Variants in NRG3 observed in about 807,000 individuals in gnomAD.
NRG3 encodes the protein pro-neuregulin-3, membrane-bound isoform.
A neutral mutation model predicts 66.9 loss-of-function variants in NRG3; 31 were observed. That is an observed-to-expected ratio of 0.46 (90% CI 0.35 to 0.63). NRG3 has a LOEUF of 0.63. NRG3 is among the 20% of genes least tolerant of loss of function. NRG3 has a pLI of 0.00. For missense variants in NRG3, 910 were observed against 878.9 expected (o/e 1.04, Z -0.45); for synonymous variants, 393 against 359.4 (o/e 1.09, Z -1.06).
chr10:82,830,543 C>G (rs1395470177), intron 3 of NRG3, among the ~76,000 whole-genome samples: 1 of 152,124 alleles, frequency 6.6e-6, no homozygotes, highest in Non-Finnish European at 1.5e-5. Flanking sequence ...TTGATCACAA[C>G]CTAAGACTAT....
At chr10:82,499,932 C>T (rs781393635) in intron 2 of NRG3, among the ~76,000 whole-genome samples, 5 of 152,112 alleles carry the variant, frequency 3.3e-5, no homozygotes, top group Non-Finnish European at 7.4e-5. Context: ...GACTAGAAAA[C>T]ATCTTGTACA....
Position 82,985,713 on chromosome 10 carries a change from A to C in NRG3, c.*108A>C. On this transcript the variant is annotated 3_prime_UTR_variant, in exon 9 of 9. Transcript: ENST00000372141. ...AATTTAAGAGCATCTACTTAGAAGA[A>C]ACCAAATAGTCTATCGCCCTCATAT... The C allele has an allele frequency of 3.3e-6, 4 of 1,201,306 alleles. No individual in the cohort carries two copies. Among genetic ancestry groups the C allele is most frequent in the Non-Finnish European group, 3.5e-6 (3 of 862,164 alleles). The allele number at this position is 1,201,306 out of a possible 1,614,324, so 74.4% of individuals were successfully genotyped here.
chr10:82,714,647 A>G (rs934006372), intron 2 of NRG3, among the ~76,000 whole-genome samples: 1 of 152,248 alleles, frequency 6.6e-6, no homozygotes, highest in Admixed American at 6.5e-5. Flanking sequence ...ACAAGATAAG[A>G]AAATTGCAAA....
chr10:81,919,840 C>T (rs978774776), intron 1 of NRG3, among the ~76,000 whole-genome samples: 8 of 152,098 alleles, frequency 5.3e-5, no homozygotes, highest in Non-Finnish European at 8.8e-5. Context: ...TGAGCAGAAA[C>T]AGTGGCAATG....
chr10:82,001,160 G>T (rs1331429293), intron 1 of NRG3, among the ~76,000 whole-genome samples: 1 of 150,528 alleles, frequency 6.6e-6, no homozygotes, highest in Admixed American at 6.6e-5. Flanking sequence ...ATTGTTGTTC[G>T]GGCTCATACA....
intron 3 of NRG3, among the ~76,000 whole-genome samples, chr10:82,861,805 A>C (rs1445755319): frequency 2.6e-5 from 4 of 152,282 alleles, no homozygotes; most frequent in Non-Finnish European, 1.5e-5. Flanking sequence ...CCACTGTTTG[A>C]GATCCTCTGC....
intron 1 of NRG3, among the ~76,000 whole-genome samples, chr10:82,135,536 G>A (rs2069274150): frequency 6.6e-6 from 1 of 151,726 alleles, no homozygotes; most frequent in Non-Finnish European, 1.5e-5. Flanking sequence ...TTTTGCTTTT[G>A]TTTTCTCTGA....
At chr10:82,174,618 T>G (rs2072886029) in intron 1 of NRG3, among the ~76,000 whole-genome samples, 1 of 152,172 alleles carries the variant, frequency 6.6e-6, no homozygotes, top group Non-Finnish European at 1.5e-5. Flanking sequence ...CAGAGCTTAG[T>G]ACTGTACTTA....
At chr10:81,965,253 TTC>T (rs1419254856) in intron 1 of NRG3, among the ~76,000 whole-genome samples, 1 of 152,176 alleles carries the variant, frequency 6.6e-6, no homozygotes, top group African/African-American at 2.4e-5. Context: ...TGAGAAAAAT[TTC>T]TGTCTCTCTC....
chr10:82,575,447 G>T (rs2045972253), intron 2 of NRG3, among the ~76,000 whole-genome samples: 1 of 151,740 alleles, frequency 6.6e-6, no homozygotes, highest in Admixed American at 6.6e-5. Context: ...AGGCAGAATG[G>T]CAAACAATGT....
Position 82,764,836 on chromosome 10 carries a change from G to A in NRG3, c.1027+26186G>A, listed in dbSNP as rs923716811. Among the ~76,000 whole-genome samples, 3 of 152,260 alleles carry A rather than the reference G, an allele frequency of 2.0e-5. No individual in the cohort carries two copies. In the East Asian group the frequency reaches 5.8e-4, roughly 29 times the overall value. On this transcript the variant is annotated intron_variant, in intron 3 of 8. Coordinates refer to ENST00000372141, the MANE Select transcript of NRG3 (RefSeq NM_001010848.4). The stretch of plus-strand genomic sequence containing the variant: ...ACTATGAAGCTATGTTTTGGGCTGT[G>A]TGTGTGTGAGACAGAGAGAGCAACA...
At chr10:82,544,312 TTTG>T (rs1565050498) in intron 2 of NRG3, among the ~76,000 whole-genome samples, 1 of 152,098 alleles carries the variant, frequency 6.6e-6, no homozygotes. Context: ...AACTTGTTTT[TTTG>T]TTGTTGTTTT....
In NRG3 at chr10:82,132,494, T is replaced by TATATATATATG. The variant is rs2068942891; in HGVS notation, c.824-226235_824-226234insGATATATATAT. 3.6e-4 allele frequency among the ~76,000 whole-genome samples: 16 copies of TATATATATATG among 44,380 alleles called. 2 individuals are homozygous for TATATATATATG. The highest frequency in any genetic ancestry group is 4.7e-4 in the Non-Finnish European group (12 of 25,736). The allele number at this position is 44,380 out of a possible 152,430, so 29.1% of individuals were successfully genotyped here. On this transcript the variant is annotated intron_variant, in intron 1 of 8. Coordinates refer to ENST00000372141, the MANE Select transcript of NRG3 (RefSeq NM_001010848.4). ...ATATATATATGATATATATATATGA[T>TATATATATATG]ATATATATATCATATATATATGATA...
chr10:82,552,411 C>T (rs1033480249), intron 2 of NRG3, among the ~76,000 whole-genome samples: 2 of 151,946 alleles, frequency 1.3e-5, no homozygotes, highest in Non-Finnish European at 2.9e-5. Context: ...AATTGTTAAC[C>T]TTGTGGAAGC....
At chr10:82,192,610 T>C (rs937881902) in intron 1 of NRG3, among the ~76,000 whole-genome samples, 1 of 152,174 alleles carries the variant, frequency 6.6e-6, no homozygotes, top group Non-Finnish European at 1.5e-5. Context: ...CCATCCCTGC[T>C]CTTGACTTCC....
chr10:82,300,330 T>C (rs1227721457), intron 1 of NRG3, among the ~76,000 whole-genome samples: 1 of 152,190 alleles, frequency 6.6e-6, no homozygotes, highest in African/African-American at 2.4e-5. Context: ...AAGTGATTAA[T>C]AGATGATGGT....
intron 1 of NRG3, among the ~76,000 whole-genome samples, chr10:82,257,349 T>A (rs572824621): frequency 5.7e-4 from 87 of 152,286 alleles, no homozygotes; most frequent in African/African-American, 2.0e-3. Context: ...TGGGTTACAG[T>A]GTGTTTCATA....
intron 2 of NRG3, among the ~76,000 whole-genome samples, chr10:82,696,591 T>G (rs967112315): frequency 2.0e-5 from 3 of 152,178 alleles, no homozygotes; most frequent in Non-Finnish European, 2.9e-5. Context: ...TGATGTTTAC[T>G]CAGCATTTTC....
At chr10:82,862,257 AT>A (rs1403572743) in intron 3 of NRG3, among the ~76,000 whole-genome samples, 2 of 152,316 alleles carry the variant, frequency 1.3e-5, no homozygotes, top group Admixed American at 1.3e-4. Context: ...AAAGTCTGTT[AT>A]TCCTGATGTA....
Sources: gnomAD v4.1 joint callset for allele counts (sites outside exome capture counted in the v4.1 genomes callset) on GRCh38, gnomAD v4.1.1 for gene constraint, MANE v1.5 for transcripts, NCBI Gene and HGNC (gene_info 2026-07-23, HGNC 2026-07-21) for gene names.